The following KCTD1 variants were observed in gnomAD, a reference collection of about 807,000 sequenced individuals.
KCTD1 encodes the protein BTB/POZ domain-containing protein KCTD1.
KCTD1 carries 24 observed loss-of-function variants against 66.0 expected under a neutral mutation model. The ratio of observed to expected loss-of-function variants is 0.36; its 90% CI spans 0.26 to 0.51. KCTD1 has a LOEUF of 0.51. Among genes scored for constraint, KCTD1 ranks in the 20% least tolerant of loss-of-function variants. KCTD1 has a pLI of 0.95. For missense variants in KCTD1, 943 were observed against 1,205.2 expected (o/e 0.78, Z 3.22); for synonymous variants, 511 against 517.2 (o/e 0.99, Z 0.16).
intron 4 of KCTD1, chr18:26,457,359 C>T (rs900977848): frequency 1.2e-4 from 19 of 152,118 alleles, no homozygotes; most frequent in African/African-American, 4.1e-4. Flanking sequence ...CATGGATTCC[C>T]CAGCAGAGGC....
chr18:26,636,787 A>C (rs578024393), intron 1 of KCTD1, among the ~76,000 whole-genome samples: 5 of 152,170 alleles, frequency 3.3e-5, no homozygotes, highest in Admixed American at 6.5e-5. Context: ...AGAGAAACCC[A>C]AAGTGTTCAT....
At position 26,539,777 on chromosome 18, in the gene KCTD1, A is replaced by C. The variant is rs115759068; in HGVS notation, c.1809+6951T>G. ...AGTTCCTTAAAACTGCATGTCAAAA[A>C]CCATAGCAACTTGAAATATCAGAAT... On this transcript the variant is annotated intron_variant, in intron 1 of 4. Coordinates refer to ENST00000580059, the MANE Select transcript of KCTD1 (RefSeq NM_001142730.3). Among the ~76,000 whole-genome samples, 1,428 of 152,320 alleles carry C rather than the reference A, an allele frequency of 9.4e-3. 27 individuals are homozygous for C. The highest frequency in any genetic ancestry group is 0.032 in the African/African-American group (1,333 of 41,556).
chr18:26,645,195 A>G (rs2145068995), upstream of KCTD1, among the ~76,000 whole-genome samples: 1 of 152,330 alleles, frequency 6.6e-6, no homozygotes, highest in Admixed American at 6.5e-5. Context: ...GCTTCAAAAG[A>G]GGGTATCATG....
chr18:26,642,337 C>G (rs1987848833), upstream of KCTD1, among the ~76,000 whole-genome samples: 1 of 152,176 alleles, frequency 6.6e-6, no homozygotes, highest in Admixed American at 6.5e-5. Context: ...CTTGTCCCCT[C>G]CCAGAAATCG....
At chr18:26,530,281 C>T (rs1383573945) in intron 1 of KCTD1, among the ~76,000 whole-genome samples, 1 of 152,100 alleles carries the variant, frequency 6.6e-6, no homozygotes, top group African/African-American at 2.4e-5. Context: ...TGATTCTGAA[C>T]CTCTATAATA....
chr18:26,562,822 C>G (rs1399530380), intron 1 of KCTD1, among the ~76,000 whole-genome samples: 1 of 152,248 alleles, frequency 6.6e-6, no homozygotes, highest in East Asian at 1.9e-4. Context: ...AGAGAGGGCT[C>G]TCTGGCATCT....
chr18:26,509,066 C>T (rs1983199287), intron 1 of KCTD1, among the ~76,000 whole-genome samples: 1 of 152,004 alleles, frequency 6.6e-6, no homozygotes, highest in African/African-American at 2.4e-5. Flanking sequence ...CACCTATCAC[C>T]TGCCAAACTC....
upstream of KCTD1, among the ~76,000 whole-genome samples, chr18:26,643,076 T>C (rs551126845): frequency 9.9e-5 from 15 of 152,232 alleles, no homozygotes; most frequent in South Asian, 3.1e-3. Context: ...CAGAAATTTA[T>C]TTCCCACGGT....
intron 1 of KCTD1, among the ~76,000 whole-genome samples, chr18:26,627,077 A>G (rs938281136): frequency 6.6e-6 from 1 of 152,152 alleles, no homozygotes; most frequent in African/African-American, 2.4e-5. Context: ...ACTCTCCCTG[A>G]CTGAGCTAAG....
At chr18:26,518,391 T>C (rs1983763454) in intron 1 of KCTD1, among the ~76,000 whole-genome samples, 1 of 152,190 alleles carries the variant, frequency 6.6e-6, no homozygotes, top group Middle Eastern at 3.4e-3. Context: ...CTCAGCCTCC[T>C]GAGTAGCTGG....
upstream of KCTD1, chr18:26,548,637 A>G: frequency 1.8e-6 from 2 of 1,135,228 alleles, no homozygotes; most frequent in Non-Finnish European, 2.2e-6. Flanking sequence ...ACCGGGAGGC[A>G]AAGCCGGGCT....
intron 1 of KCTD1, chr18:26,545,458 T>C (rs1985167060): frequency 6.6e-6 from 1 of 152,180 alleles, no homozygotes; most frequent in African/African-American, 2.4e-5. Flanking sequence ...AGCCCCTTTC[T>C]CAGTTGGCCT....
At chr18:26,489,026 G>A (rs1383866989) in intron 2 of KCTD1, among the ~76,000 whole-genome samples, 2 of 152,106 alleles carry the variant, frequency 1.3e-5, no homozygotes, top group Admixed American at 6.5e-5. Context: ...CACACACCTC[G>A]TAAGATTACA....
chr18:26,496,102 TTA>T (rs1982458537), intron 2 of KCTD1, among the ~76,000 whole-genome samples: 1 of 152,092 alleles, frequency 6.6e-6, no homozygotes, highest in South Asian at 2.1e-4. Flanking sequence ...TTATGAAAAA[TTA>T]CTTAGTTACC....
At chr18:26,501,357 A>G in intron 1 of KCTD1, 107 bp from the exon 2 acceptor site, 1 of 1,003,054 alleles carries the variant, frequency 1.0e-6, no homozygotes, top group Middle Eastern at 2.3e-4. Flanking sequence ...CTCATTCAGT[A>G]ATAAAACCTG....
chr18:26,505,682 A>G (rs369571810), intron 1 of KCTD1, among the ~76,000 whole-genome samples: 2 of 152,082 alleles, frequency 1.3e-5, no homozygotes, highest in African/African-American at 4.8e-5. Flanking sequence ...TCAGTCTCCC[A>G]AGTAGCTAGG....
intron 1 of KCTD1, among the ~76,000 whole-genome samples, chr18:26,621,460 C>T (rs1252978751): frequency 6.6e-6 from 1 of 152,074 alleles, no homozygotes; most frequent in Non-Finnish European, 1.5e-5. Flanking sequence ...TTCGTCTTAG[C>T]CGTCCAAGAG....
intron 1 of KCTD1, among the ~76,000 whole-genome samples, chr18:26,516,598 G>A (rs1983667741): frequency 6.6e-6 from 1 of 152,236 alleles, no homozygotes; most frequent in Non-Finnish European, 1.5e-5. Flanking sequence ...TAGAATGGAA[G>A]ATCACAGGCA....
chr18:26,471,461 A>G (rs1445386687), intron 3 of KCTD1, among the ~76,000 whole-genome samples: 2 of 152,060 alleles, frequency 1.3e-5, no homozygotes, highest in African/African-American at 4.8e-5. Context: ...TATCTTCTTC[A>G]TTTGACAGTT....
Sources: gnomAD v4.1 joint callset for allele counts (sites outside exome capture counted in the v4.1 genomes callset) on GRCh38, gnomAD v4.1.1 for gene constraint, MANE v1.5 for transcripts, NCBI Gene and HGNC (gene_info 2026-07-23, HGNC 2026-07-21) for gene names.